The following EIF5A variants were observed in gnomAD, a reference collection of about 807,000 sequenced individuals.
The protein encoded by EIF5A is eukaryotic translation initiation factor 5A-1.
EIF5A carries 1 observed loss-of-function variant against 16.6 expected under a neutral mutation model. The observed-to-expected ratio is 0.06, with a 90% confidence interval of 0.02 to 0.28. The LOEUF is 0.28. Ranked by LOEUF, EIF5A falls within the 10% of genes least tolerant of loss-of-function variation. The probability of loss-of-function intolerance (pLI) is 1.00; values close to 1 mark genes in which losing one functional copy is unlikely to be tolerated. For missense variants in EIF5A, 29 were observed against 196.1 expected (o/e 0.15, Z 5.09); for synonymous variants, 80 against 73.6 (o/e 1.09, Z -0.44).
intron 1 of EIF5A, chr17:7,308,495 A>G (rs934558953): frequency 1.5e-6 from 2 of 1,350,794 alleles, no homozygotes; most frequent in African/African-American, 1.5e-5. Flanking sequence ...TGCTGCAGGC[A>G]TATGTTAGCG....
At chr17:7,307,504 G>A, upstream of EIF5A, 1 of 1,028,844 alleles carries the variant, frequency 9.7e-7, no homozygotes, top group African/African-American at 1.7e-5. Flanking sequence ...GTGGGAGGGA[G>A]GGTGGAGATG....
chr17:7,311,552 C>G, intron 4 of EIF5A, 26 bp from the exon 5 acceptor site: 1 of 1,614,208 alleles, frequency 6.2e-7, no homozygotes, highest in Non-Finnish European at 8.5e-7. Flanking sequence ...TCAGACATCT[C>G]TTGGCTATCC....
At chr17:7,307,066 C>T, upstream of EIF5A, 1 of 1,603,802 alleles carries the variant, frequency 6.2e-7, no homozygotes, top group Non-Finnish European at 8.5e-7. Flanking sequence ...ACTGGGGGGA[C>T]TGATTCCAAG....
intron 2 of EIF5A, 50 bp downstream of exon 2, chr17:7,309,850 T>C (rs773057599): frequency 3.1e-6 from 5 of 1,614,086 alleles, no homozygotes; most frequent in Admixed American, 3.3e-5. Flanking sequence ...CCAGTATCTT[T>C]GGCGCTCCCA....
chr17:7,311,289 T>C (rs2072819324), intron 3 of EIF5A, 61 bp from the exon 4 acceptor site: 2 of 1,612,778 alleles, frequency 1.2e-6, no homozygotes, highest in Non-Finnish European at 1.7e-6. Context: ...TCAGAGCCTT[T>C]ACTGTCATGT....
At chr17:7,311,232 C>T (rs2072816941) in intron 3 of EIF5A, 110 bp downstream of exon 3, 15 of 1,576,416 alleles carry the variant, frequency 9.5e-6, no homozygotes, top group Middle Eastern at 1.7e-4. Context: ...AGGGAAATGG[C>T]AGGAGAGGGT....
At chr17:7,310,202 C>T (rs1055749030) in intron 2 of EIF5A, 2 of 1,291,522 alleles carry the variant, frequency 1.5e-6, no homozygotes, top group African/African-American at 3.0e-5. Flanking sequence ...ACGCCTTCCC[C>T]TGGAGGGACT....
upstream of EIF5A, chr17:7,307,210 C>T: frequency 7.2e-7 from 1 of 1,385,694 alleles, no homozygotes; most frequent in Non-Finnish European, 9.7e-7. Flanking sequence ...GTGGTCTTTT[C>T]AACGCCTGGC....
upstream of EIF5A, chr17:7,307,151 G>A (rs778843193): frequency 1.3e-6 from 2 of 1,556,760 alleles, no homozygotes; most frequent in East Asian, 2.4e-5. Flanking sequence ...CCGAGGTGGG[G>A]CGTATCCTGA....
At chr17:7,309,192 C>G (rs1002958354) in intron 1 of EIF5A, among the ~76,000 whole-genome samples, 1 of 151,470 alleles carries the variant, frequency 6.6e-6, no homozygotes, top group Non-Finnish European at 1.5e-5. Context: ...TCCCCCCCCC[C>G]AATTAGCCCT....
intron 1 of EIF5A, 59 bp from the exon 2 acceptor site, chr17:7,309,552 GGATA>G: frequency 6.3e-7 from 1 of 1,592,358 alleles, no homozygotes; most frequent in South Asian, 1.1e-5. Flanking sequence ...GAGAGAAATG[GGATA>G]GATTGGAGGT....
At chr17:7,308,539 G>A (rs374090725) in intron 1 of EIF5A, 2 of 1,351,722 alleles carry the variant, frequency 1.5e-6, no homozygotes, top group Non-Finnish European at 2.0e-6. Context: ...GAGCTTTCCT[G>A]AAAAACCCTC....
At chr17:7,307,088 A>AC (rs1237485298), upstream of EIF5A, 3 of 1,603,220 alleles carry the variant, frequency 1.9e-6, no homozygotes, top group Non-Finnish European at 2.6e-6. Context: ...CAAGGCGCCC[A>AC]CCCCACAGAG....
Position 7,312,181 on chromosome 17 carries a change from C to G in EIF5A, c.*371C>G, listed in dbSNP as rs2072851859. 6.0e-6 allele frequency: 1 copy of G among 166,090 alleles called. No individual in the cohort carries two copies. The highest frequency in any genetic ancestry group is 2.5e-5 in the African/African-American group (1 of 39,352). The allele number at this position is 166,090 out of a possible 1,614,324, so 10.3% of individuals were successfully genotyped here. On this transcript the variant is annotated 3_prime_UTR_variant, in exon 6 of 6. Coordinates refer to ENST00000336458, the MANE Select transcript of EIF5A (RefSeq NM_001970.5). ...GGATTCTGGCAAATGGTCCTTGTGC[C>G]CTCCCCACTCATCCCTGGTCTGGTC...
intron 2 of EIF5A, chr17:7,310,589 C>G (rs2072791331): frequency 9.4e-7 from 1 of 1,068,242 alleles, no homozygotes; most frequent in African/African-American, 1.7e-5. Flanking sequence ...GATCTCCCTG[C>G]AAGTCCTTTT....
At chr17:7,307,097 A>G (rs762348708), upstream of EIF5A, 3 of 1,601,860 alleles carry the variant, frequency 1.9e-6, no homozygotes, top group East Asian at 6.7e-5. Context: ...CACCCCACAG[A>G]GCAAGTTTTC....
rs2072663796 is a variant in EIF5A at position 7,307,654 on chromosome 17, C to T, written c.-120C>T. 6.7e-6 allele frequency: 7 copies of T among 1,048,630 alleles called. No homozygotes were observed. The South Asian group carries it at 8.7e-5, about 13-fold the overall frequency. 65.0% of individuals were successfully genotyped at this position (1,048,630 alleles called of 1,614,324 possible). On this transcript the variant is annotated 5_prime_UTR_variant, in exon 1 of 6. Coordinates refer to ENST00000336458, the MANE Select transcript of EIF5A (RefSeq NM_001970.5). ...TACTAAGACCCGTGTGCAGCAGCGG[C>T]GGCGGCGGTAGAGGCGGCGGCGGCG...
Position 7,307,642 on chromosome 17 carries a change from G to C in EIF5A, c.-132G>C, listed in dbSNP as rs915277046. ...TCGGCGCCTGCGTACTAAGACCCGT[G>C]TGCAGCAGCGGCGGCGGCGGTAGAG... On this transcript the variant is annotated 5_prime_UTR_variant, in exon 1 of 6. Coordinates refer to ENST00000336458, the MANE Select transcript of EIF5A (RefSeq NM_001970.5). 9.5e-7 allele frequency: 1 copy of C among 1,050,258 alleles called. No individual in the cohort carries two copies. Among genetic ancestry groups the C allele is most frequent in the Non-Finnish European group, 1.1e-6 (1 of 872,102 alleles). The allele number at this position is 1,050,258 out of a possible 1,614,324, so 65.1% of individuals were successfully genotyped here.
At chr17:7,310,408 G>T (rs1205358867) in intron 2 of EIF5A, 3 of 1,182,936 alleles carry the variant, frequency 2.5e-6, no homozygotes, top group African/African-American at 3.2e-5. Context: ...GACTTTTCCT[G>T]TCTCTTTAGA....
Sources: gnomAD v4.1 joint callset for allele counts (sites outside exome capture counted in the v4.1 genomes callset) on GRCh38, gnomAD v4.1.1 for gene constraint, MANE v1.5 for transcripts, NCBI Gene and HGNC (gene_info 2026-07-23, HGNC 2026-07-21) for gene names.